CARM1: variants seen among roughly 807,000 people sequenced by gnomAD.
CARM1 encodes histone-arginine methyltransferase CARM1.
Under a neutral mutation model 72.7 loss-of-function variants are expected in CARM1, and 14 were observed. The observed-to-expected ratio is 0.19, with a 90% CI of 0.13 to 0.30. CARM1 has a LOEUF of 0.30. Ranked by LOEUF, CARM1 falls within the 10% of genes least tolerant of loss-of-function variation. CARM1 has a pLI of 1.00. For missense variants in CARM1, 432 were observed against 833.7 expected, an observed-to-expected ratio of 0.52 and a Z score of 5.93; for synonymous variants, 333 against 345.5, an observed-to-expected ratio of 0.96 and a Z score of 0.40.
At chr19:10,891,644 A>T (rs1036044239) in intron 1 of CARM1, among the ~76,000 whole-genome samples, 1 of 151,950 alleles carries the variant, frequency 6.6e-6, no homozygotes, top group Admixed American at 6.6e-5. Flanking sequence ...CGGCCTGCCC[A>T]CTCTAGGGAG....
intron 1 of CARM1, among the ~76,000 whole-genome samples, chr19:10,880,943 G>A (rs966642175): frequency 2.0e-4 from 30 of 152,196 alleles, no homozygotes; most frequent in Admixed American, 1.4e-3. Flanking sequence ...CAGCAGGGCG[G>A]TTTGAGTCCA....
intron 1 of CARM1, among the ~76,000 whole-genome samples, chr19:10,886,830 CA>C (rs906102054): frequency 8.0e-4 from 114 of 142,992 alleles, no homozygotes; most frequent in African/African-American, 1.0e-3. Context: ...GATTCCATCT[CA>C]AAAAAAAAAA....
chr19:10,917,641 C>A (rs1053795852), intron 8 of CARM1, among the ~76,000 whole-genome samples: 2 of 152,018 alleles, frequency 1.3e-5, no homozygotes, highest in African/African-American at 4.8e-5. Flanking sequence ...GTACAGTGAA[C>A]CTTTTCACCA....
In CARM1 at chr19:10,896,330, C is replaced by T. The variant is rs1196669204; in HGVS notation, c.221-8621C>T. Among the ~76,000 whole-genome samples the T allele has an allele frequency of 6.6e-6, 1 of 152,018 alleles. No individual in the cohort carries two copies. The highest frequency in any genetic ancestry group is 1.9e-4 in the East Asian group (1 of 5,168). On this transcript the variant is annotated intron_variant, in intron 1 of 15. Transcript: ENST00000327064. This position sits in a 1 kb window ranked among gnomAD's most constrained non-coding sequence, Gnocchi z 5.2. The stretch of plus-strand genomic sequence containing the variant: ...TAGGGAATCCTTATACCTTAGAGTC[C>T]CCCAGATTCTGCTGCCCTGGGGGGC...
intron 1 of CARM1, among the ~76,000 whole-genome samples, chr19:10,882,698 T>C (rs2073911167): frequency 6.6e-6 from 1 of 152,008 alleles, no homozygotes; most frequent in Non-Finnish European, 1.5e-5. Context: ...TGTGACACCA[T>C]GCCCGGCTAA....
intron 1 of CARM1, among the ~76,000 whole-genome samples, 197 bp downstream of exon 1, chr19:10,872,119 C>T (rs1477640383): frequency 1.3e-5 from 2 of 151,916 alleles, no homozygotes. Flanking sequence ...TGCGTGGTGG[C>T]CGGAGGGGCA....
At chr19:10,891,045 G>A (rs1356646286) in intron 1 of CARM1, among the ~76,000 whole-genome samples, 1 of 150,724 alleles carries the variant, frequency 6.6e-6, no homozygotes, top group Non-Finnish European at 1.5e-5. Context: ...GGGTCCCAGG[G>A]GTGGCCACCT....
At chr19:10,890,793 ATATTTTTTTTTT>A (rs2073981651) in intron 1 of CARM1, among the ~76,000 whole-genome samples, 5 of 83,788 alleles carry the variant, frequency 6.0e-5, no homozygotes, top group African/African-American at 1.8e-4. Flanking sequence ...ATATATATAT[ATATTTTTTTTTT>A]TTTTTTTTTT....
Position 10,871,932 on chromosome 19 carries a change from G to C in CARM1, c.220+10G>C. 2 of 1,184,276 alleles carry C rather than the reference G, an allele frequency of 1.7e-6. No individual in the cohort carries two copies. Among genetic ancestry groups the C allele is most frequent in the Non-Finnish European group, 1.0e-6 (1 of 956,744 alleles). The allele number at this position is 1,184,276 out of a possible 1,614,324, so 73.4% of individuals were successfully genotyped here. A position where few individuals can be genotyped will look rare whatever the true frequency, so the allele number is the denominator to read the frequency against. On this transcript the variant is annotated intron_variant, in intron 1 of 15. Transcript: ENST00000327064. The surrounding 1 kb of genome is among the most constrained non-coding windows in gnomAD (Gnocchi z 5.6). Reference sequence around the variant, plus strand: ...ATCGCCCTCTACAGCCGTGAGTACGGGGCCCCGGGGCAGGCGCAGGGCCGG... The same window carrying C: ...ATCGCCCTCTACAGCCGTGAGTACGCGGCCCCGGGGCAGGCGCAGGGCCGG...
In CARM1 at chr19:10,916,265, C is replaced by T. The variant is rs563041457; in HGVS notation, c.848-142C>T. On this transcript the variant is annotated intron_variant, in intron 6 of 15. Transcript: ENST00000327064. The surrounding 1 kb of genome is among the most constrained non-coding windows in gnomAD (Gnocchi z 4.4). Reference sequence around the variant, plus strand: ...CACTGATCAGAATAGGCGCTCGGTGCCACTGTCACAGGAGTGCAGGAACGA... The same window carrying T: ...CACTGATCAGAATAGGCGCTCGGTGTCACTGTCACAGGAGTGCAGGAACGA... 81 of 619,682 alleles carry T rather than the reference C, an allele frequency of 1.3e-4. No homozygotes were observed. The highest frequency in any genetic ancestry group is 3.0e-4 in the Middle Eastern group (1 of 3,342). The allele number at this position is 619,682 out of a possible 1,614,324, so 38.4% of individuals were successfully genotyped here.
rs190188499 is a variant in CARM1, at chr19:10,884,556, C to G, written c.220+12634C>G. ...GAATCTGGAGTCCCCAGTTGCCCCCCCTCCCCCTGTGCTTGCCTTTGTTCC... is the reference window on the plus strand; with the variant it reads ...GAATCTGGAGTCCCCAGTTGCCCCCGCTCCCCCTGTGCTTGCCTTTGTTCC... On this transcript the variant is annotated intron_variant, in intron 1 of 15. Transcript: ENST00000327064. 7.7e-3 allele frequency among the ~76,000 whole-genome samples: 1,174 copies of G among 152,052 alleles called. 16 individuals are homozygous for G. Among genetic ancestry groups the G allele is most frequent in the Non-Finnish European group, 7.0e-3 (473 of 67,992 alleles).
At chr19:10,919,777 T>G in intron 9 of CARM1, 97 bp downstream of exon 9, 1 of 1,492,778 alleles carries the variant, frequency 6.7e-7, no homozygotes, top group Middle Eastern at 1.7e-4. Flanking sequence ...CCAGGGCAGA[T>G]GGTGGGCGGG....
Position 10,878,905 on chromosome 19 carries a change from C to G in CARM1, c.220+6983C>G, listed in dbSNP as rs368177294. 3.3e-5 allele frequency among the ~76,000 whole-genome samples: 5 copies of G among 151,484 alleles called. No individual in the cohort carries two copies. In the South Asian group the frequency reaches 1.1e-3, roughly 32 times the overall value. ...CACTGCATCCTCTGCCTCCCGGGTT[C>G]AAGCGATTCTCCTGCCTCAGCCTCC... On this transcript the variant is annotated intron_variant, in intron 1 of 15. Transcript: ENST00000327064.
intron 1 of CARM1, among the ~76,000 whole-genome samples, chr19:10,876,942 C>T (rs1278237239): frequency 6.6e-6 from 1 of 152,234 alleles, no homozygotes; most frequent in Non-Finnish European, 1.5e-5. Context: ...TCTCCCATCC[C>T]CTTGGCTCAG....
chr19:10,906,180 C>T (rs1308775254), intron 2 of CARM1, among the ~76,000 whole-genome samples: 1 of 152,002 alleles, frequency 6.6e-6, no homozygotes, highest in Non-Finnish European at 1.5e-5. Context: ...TCTCAAACTC[C>T]TGGCCTCAAG....
chr19:10,906,764 C>A (rs867997367), intron 2 of CARM1, among the ~76,000 whole-genome samples: 30 of 151,542 alleles, frequency 2.0e-4, no homozygotes, highest in African/African-American at 5.8e-4. Flanking sequence ...CATGCCTGAC[C>A]GTGTCTTTTA....
chr19:10,909,249 C>T (rs779239579), intron 4 of CARM1, 42 bp downstream of exon 4: 15 of 1,298,996 alleles, frequency 1.2e-5, no homozygotes, highest in South Asian at 2.5e-5. Context: ...GCTTCTGTCT[C>T]GGTTTTTTTT....
At chr19:10,873,624 GTTTTTTTTTTTTTT>G (rs1169565864) in intron 1 of CARM1, among the ~76,000 whole-genome samples, 78 of 47,348 alleles carry the variant, frequency 1.6e-3, no homozygotes, top group African/African-American at 5.1e-3. Flanking sequence ...TTTTAGTTTA[GTTTTTTTTTTTTTT>G]TTTTTTTTTT....
In CARM1 at chr19:10,903,699, C is replaced by A. The variant is rs2145219760; in HGVS notation, c.221-1252C>A. 4.6e-5 allele frequency among the ~76,000 whole-genome samples: 7 copies of A among 151,956 alleles called. 1 individual carries two copies. In the Middle Eastern group the frequency reaches 0.024, roughly 517 times the overall value. The stretch of plus-strand genomic sequence containing the variant: ...CCTCAGCCTCCCAAGTAGCTAGGAC[C>A]ACAGGTGTGAGCCACTCTGTCCAGC... On this transcript the variant is annotated intron_variant, in intron 1 of 15. Transcript: ENST00000327064.
Sources: allele counts gnomAD v4.1 joint callset (sites outside exome capture counted in the v4.1 genomes callset), GRCh38; gene constraint gnomAD v4.1.1; non-coding constraint Gnocchi (gnomAD v3.1); transcripts MANE v1.5; gene names NCBI Gene and HGNC (gene_info 2026-07-23, HGNC 2026-07-21).